The following RGS17 variants were observed in gnomAD, a reference collection of about 807,000 sequenced individuals.
RGS17 encodes regulator of G protein signaling 17.
A neutral mutation model predicts 25.5 loss-of-function variants in RGS17; 12 were observed. The observed-to-expected ratio is 0.47, with a 90% CI of 0.30 to 0.76. The LOEUF (loss-of-function observed/expected upper bound fraction) is 0.76. RGS17 is among the 30% of genes least tolerant of loss of function. The pLI, the probability that RGS17 is intolerant of heterozygous loss-of-function variation, is 0.07. For synonymous variants in RGS17, 71 were observed against 76.9 expected (o/e 0.92, Z 0.40); for missense variants, 196 against 242.2 (o/e 0.81, Z 1.27).
chr6:153,083,434 T>C (rs1205070167), intron 1 of RGS17, among the ~76,000 whole-genome samples: 2 of 152,224 alleles, frequency 1.3e-5, no homozygotes, highest in Non-Finnish European at 2.9e-5. Flanking sequence ...GCCAGATTTA[T>C]GGAGACAAAC....
chr6:153,072,398 G>A (rs1776817125), intron 1 of RGS17, among the ~76,000 whole-genome samples: 1 of 152,150 alleles, frequency 6.6e-6, no homozygotes, highest in Non-Finnish European at 1.5e-5. Flanking sequence ...GAAATGGGAT[G>A]CACGTAGCTC....
rs932495536 is a variant in RGS17, at chr6:153,008,462, A to G, written c.*3112T>C. 2.0e-5 allele frequency: 3 copies of G among 152,238 alleles called. No homozygotes were observed. Among genetic ancestry groups the G allele is most frequent in the African/African-American group, 7.2e-5 (3 of 41,468 alleles). The allele number at this position is 152,238 out of a possible 1,614,324, so 9.4% of individuals were successfully genotyped here. On this transcript the variant is annotated 3_prime_UTR_variant, in exon 5 of 5. Coordinates refer to ENST00000206262, the MANE Select transcript of RGS17 (RefSeq NM_012419.5). ...AGCATCTCTACTACCTTTGGATAACATCATAACAGCCCGAGTAAAGAAGTG... is the reference window on the plus strand; with the variant it reads ...AGCATCTCTACTACCTTTGGATAACGTCATAACAGCCCGAGTAAAGAAGTG...
rs1584147594 is a variant in RGS17, at chr6:153,079,797, G to A, written c.-25-35754C>T. Among the ~76,000 whole-genome samples, 3 of 151,638 alleles carry A rather than the reference G, an allele frequency of 2.0e-5. No individual in the cohort carries two copies. In the South Asian group the frequency reaches 6.3e-4, roughly 32 times the overall value. On this transcript the variant is annotated intron_variant, in intron 1 of 4. Transcript: ENST00000206262. ...TTAATGTTCATACAAGGGCAGTGAT[G>A]GTCTCATTAAATGAATTGAGAAGTG...
rs1779065692 is a variant in RGS17 at position 153,005,536 on chromosome 6, C to A, written c.*6038G>T. 1 of 152,072 alleles carries A rather than the reference C, an allele frequency of 6.6e-6. No homozygotes were observed. The highest frequency in any genetic ancestry group is 2.1e-4 in the South Asian group (1 of 4,826). The allele number at this position is 152,072 out of a possible 1,614,324, so 9.4% of individuals were successfully genotyped here. On this transcript the variant is annotated 3_prime_UTR_variant, in exon 5 of 5. Transcript: ENST00000206262. ...GGTTAACATCAACAGCTAAGAGTAG[C>A]CTAAAGTTTGAGAAACTGTCACAGC...
intron 1 of RGS17, among the ~76,000 whole-genome samples, chr6:153,101,607 A>T (rs997141844): frequency 3.9e-5 from 6 of 152,122 alleles, no homozygotes; most frequent in African/African-American, 1.4e-4. Flanking sequence ...TTATGTGGTG[A>T]TATGGTTTGG....
intron 1 of RGS17, among the ~76,000 whole-genome samples, chr6:153,077,144 A>G (rs9479498): frequency 0.56 from 85,643 of 152,014 alleles, 24,311 homozygotes; most frequent in South Asian, 0.63. Context: ...ATATCACCAA[A>G]TTTCTAGACC....
intron 1 of RGS17, among the ~76,000 whole-genome samples, chr6:153,068,831 G>A (rs1334452870): frequency 2.6e-5 from 4 of 152,066 alleles, no homozygotes; most frequent in African/African-American, 9.7e-5. Context: ...ACAGAGAGAC[G>A]GCAAACAGGC....
At chr6:153,119,707 C>A (rs1411659099) in intron 1 of RGS17, among the ~76,000 whole-genome samples, 1 of 151,972 alleles carries the variant, frequency 6.6e-6, no homozygotes, top group African/African-American at 2.4e-5. Context: ...AAAGAAAAAA[C>A]GGTTATTTCC....
chr6:153,054,928 C>A (rs1240573696), intron 1 of RGS17, among the ~76,000 whole-genome samples: 3 of 152,178 alleles, frequency 2.0e-5, no homozygotes, highest in African/African-American at 4.8e-5. Context: ...TCCCTGAATA[C>A]CAGCAGTTCA....
chr6:153,045,543 C>G (rs1399685902), intron 1 of RGS17, among the ~76,000 whole-genome samples: 1 of 152,156 alleles, frequency 6.6e-6, no homozygotes, highest in Non-Finnish European at 1.5e-5. Context: ...GATAAAAGAG[C>G]TGCTTCAAGA....
At chr6:153,047,151 A>G (rs752224827) in intron 1 of RGS17, among the ~76,000 whole-genome samples, 7 of 152,188 alleles carry the variant, frequency 4.6e-5, no homozygotes, top group Non-Finnish European at 4.4e-5. Flanking sequence ...AGTGAAGATT[A>G]TTTCTGATAA....
Position 153,024,276 on chromosome 6 carries a change from G to A in RGS17, c.430C>T (p.Leu144=). Reference sequence around the variant, plus strand: ...CAGATTTTTACCTCTTTTGGTGATAGTATAGAAATGTAATCTTCATATATC... The same window carrying A: ...CAGATTTTTACCTCTTTTGGTGATAATATAGAAATGTAATCTTCATATATC... ...RMIYEDYISI[L]SPKEVSLDSR... The change falls in exon 4 of 5, where the codon CTA becomes TTA. Residue 144 remains leucine (L), a synonymous_variant. Transcript: ENST00000206262. The A allele has an allele frequency of 6.2e-7, 1 of 1,606,830 alleles. No individual in the cohort carries two copies. Among genetic ancestry groups the A allele is most frequent in the Non-Finnish European group, 8.5e-7 (1 of 1,174,088 alleles).
intron 1 of RGS17, among the ~76,000 whole-genome samples, chr6:153,054,805 T>C (rs890510329): frequency 3.4e-4 from 51 of 152,178 alleles, no homozygotes; most frequent in African/African-American, 1.2e-3. Flanking sequence ...TGTTGTCCCA[T>C]AATCATCTTC....
chr6:153,070,223 C>T (rs1933263), intron 1 of RGS17, among the ~76,000 whole-genome samples: 57,883 of 151,292 alleles, frequency 0.38, 11,691 homozygotes, highest in East Asian at 0.62. Flanking sequence ...AAGTTGTTTT[C>T]TTTTTTGGTG....
intron 1 of RGS17, among the ~76,000 whole-genome samples, chr6:153,083,827 A>C (rs533619991): frequency 5.6e-4 from 86 of 152,364 alleles, no homozygotes; most frequent in African/African-American, 2.0e-3. Flanking sequence ...ATTTTGCATA[A>C]ACAATGTCAG....
intron 1 of RGS17, among the ~76,000 whole-genome samples, chr6:153,128,585 G>C (rs1466439342): frequency 6.6e-6 from 1 of 152,178 alleles, no homozygotes; most frequent in Non-Finnish European, 1.5e-5. Flanking sequence ...GATCAATTCA[G>C]ATTTAAAATT....
At chr6:153,063,303 A>T (rs6557255) in intron 1 of RGS17, among the ~76,000 whole-genome samples, 58,348 of 151,982 alleles carry the variant, frequency 0.38, 11,887 homozygotes, top group East Asian at 0.62. Flanking sequence ...TCAAAATATC[A>T]GTTTTGAGGA....
intron 3 of RGS17, among the ~76,000 whole-genome samples, chr6:153,025,272 AT>A (rs1186211552): frequency 6.6e-6 from 1 of 151,866 alleles, no homozygotes; most frequent in Non-Finnish European, 1.5e-5. Context: ...TTACCATCCC[AT>A]TGCACTCCTG....
At chr6:153,104,425 A>G (rs1222464893) in intron 1 of RGS17, among the ~76,000 whole-genome samples, 3 of 152,236 alleles carry the variant, frequency 2.0e-5, no homozygotes. Context: ...AACCCAAGAT[A>G]AATGACTCTG....
Sources: allele counts gnomAD v4.1 joint callset (sites outside exome capture counted in the v4.1 genomes callset), GRCh38; gene constraint gnomAD v4.1.1; transcripts MANE v1.5; gene names NCBI Gene and HGNC (gene_info 2026-07-23, HGNC 2026-07-21).